Variants in DPP10 observed in about 807,000 individuals in gnomAD.
DPP10 encodes the protein dipeptidyl peptidase like 10, also known as inactive dipeptidyl peptidase 10.
A neutral mutation model predicts 120.9 loss-of-function variants in DPP10; 33 were observed. That is an observed-to-expected ratio of 0.27 (90% confidence interval 0.21 to 0.37). The LOEUF (loss-of-function observed/expected upper bound fraction) is 0.37. Among genes scored for constraint, DPP10 ranks in the 10% least tolerant of loss-of-function variants. DPP10 has a pLI of 1.00. For synonymous variants in DPP10, 337 were observed against 326.1 expected, an observed-to-expected ratio of 1.03 and a Z score of -0.36; for missense variants, 816 against 942.8, an observed-to-expected ratio of 0.87 and a Z score of 1.76.
intron 1 of DPP10, among the ~76,000 whole-genome samples, chr2:114,985,133 A>G (rs1455781672): frequency 1.3e-5 from 2 of 151,920 alleles, no homozygotes; most frequent in Non-Finnish European, 2.9e-5. Flanking sequence ...CTCTTCTCCC[A>G]CCTCCTCCCA....
chr2:115,749,773 C>T (rs895492), intron 10 of DPP10, among the ~76,000 whole-genome samples: 147,027 of 152,288 alleles, frequency 0.97, 71,211 homozygotes, highest in East Asian at 1. Flanking sequence ...GTAACTACAC[C>T]GCACAAATAT....
chr2:114,774,712 G>T (rs1261837512), intron 1 of DPP10, among the ~76,000 whole-genome samples: 1 of 150,676 alleles, frequency 6.6e-6, no homozygotes, highest in Non-Finnish European at 1.5e-5. Flanking sequence ...GAGCATTAAT[G>T]GATTGGTAAT....
intron 1 of DPP10, among the ~76,000 whole-genome samples, chr2:114,655,946 A>G (rs1402253081): frequency 2.6e-5 from 4 of 152,160 alleles, no homozygotes; most frequent in African/African-American, 7.2e-5. Context: ...TCAGAAACAC[A>G]TGACTTCCAA....
intron 5 of DPP10, among the ~76,000 whole-genome samples, chr2:115,631,817 T>G (rs1251919178): frequency 6.6e-6 from 1 of 152,166 alleles, no homozygotes; most frequent in Non-Finnish European, 1.5e-5. Context: ...TGCTGAGGAT[T>G]ATTTTACTTC....
intron 5 of DPP10, among the ~76,000 whole-genome samples, chr2:115,598,231 G>C (rs1285752023): frequency 1.3e-5 from 2 of 151,186 alleles, no homozygotes; most frequent in African/African-American, 4.9e-5. Context: ...TTTAACTTGA[G>C]TGCTTAGCCC....
intron 5 of DPP10, among the ~76,000 whole-genome samples, chr2:115,603,876 A>G (rs764131734): frequency 9.9e-5 from 15 of 152,134 alleles, no homozygotes; most frequent in African/African-American, 3.6e-4. Flanking sequence ...TACAGACTCT[A>G]TGCTTGCTGC....
chr2:115,785,361 G>A (rs1177345087), intron 17 of DPP10, among the ~76,000 whole-genome samples: 1 of 152,116 alleles, frequency 6.6e-6, no homozygotes, highest in Non-Finnish European at 1.5e-5. Context: ...GAATGAGTTG[G>A]GTAGGAATCC....
At chr2:115,791,030 C>G (rs745401279) in intron 17 of DPP10, 51 bp from the exon 18 acceptor site, 18 of 1,333,626 alleles carry the variant, frequency 1.3e-5, no homozygotes, top group Non-Finnish European at 1.8e-5. Context: ...CACACTGATT[C>G]TGTTTAATGC....
chr2:115,168,029 AG>A (rs2053035299), intron 1 of DPP10, among the ~76,000 whole-genome samples: 1 of 150,520 alleles, frequency 6.6e-6, no homozygotes, highest in Admixed American at 6.6e-5. Context: ...GAAATATGTC[AG>A]GGGGTGAGAT....
chr2:115,751,092 T>C (rs1021369390), intron 10 of DPP10, among the ~76,000 whole-genome samples: 1 of 152,268 alleles, frequency 6.6e-6, no homozygotes, highest in South Asian at 2.1e-4. Context: ...TTGCAGTCTT[T>C]GGTTAGTTGT....
intron 1 of DPP10, among the ~76,000 whole-genome samples, chr2:114,472,441 C>T (rs1056831076): frequency 1.3e-5 from 2 of 152,192 alleles, no homozygotes; most frequent in Non-Finnish European, 2.9e-5. Flanking sequence ...GGCCTATTGG[C>T]CTATCACCAG....
intron 4 of DPP10, among the ~76,000 whole-genome samples, chr2:115,514,797 A>T (rs893648687): frequency 5.3e-5 from 8 of 152,036 alleles, no homozygotes; most frequent in African/African-American, 1.7e-4. Context: ...ACTGTTGCAG[A>T]TGTATATATC....
intron 8 of DPP10, 33 bp downstream of exon 8, chr2:115,727,969 A>G: frequency 6.3e-7 from 1 of 1,584,700 alleles, no homozygotes; most frequent in Non-Finnish European, 8.5e-7. Flanking sequence ...CAAAGGAAAC[A>G]AATGACATAT....
intron 3 of DPP10, among the ~76,000 whole-genome samples, chr2:115,429,336 G>A (rs1312534414): frequency 6.6e-6 from 1 of 152,026 alleles, no homozygotes; most frequent in Non-Finnish European, 1.5e-5. Flanking sequence ...GTGTGAGAAA[G>A]GAGGCTCACA....
At chr2:114,936,419 AT>A (rs1696479340) in intron 1 of DPP10, among the ~76,000 whole-genome samples, 1 of 151,802 alleles carries the variant, frequency 6.6e-6, no homozygotes, top group African/African-American at 2.4e-5. Flanking sequence ...ATACATATAT[AT>A]GTGCGTATAT....
chr2:115,485,153 A>G (rs1332248554), intron 3 of DPP10, among the ~76,000 whole-genome samples: 1 of 151,392 alleles, frequency 6.6e-6, no homozygotes, highest in Non-Finnish European at 1.5e-5. Flanking sequence ...AAGAACAAAT[A>G]TGATTAAGTC....
At chr2:115,453,333 AATT>A (rs1034936014) in intron 3 of DPP10, among the ~76,000 whole-genome samples, 11 of 151,496 alleles carry the variant, frequency 7.3e-5, no homozygotes, top group African/African-American at 2.7e-4. Flanking sequence ...CCTTATTTTC[AATT>A]ATTCTATAAA....
At chr2:114,507,478 T>G (rs1683776848) in intron 1 of DPP10, among the ~76,000 whole-genome samples, 1 of 152,202 alleles carries the variant, frequency 6.6e-6, no homozygotes, top group African/African-American at 2.4e-5. Flanking sequence ...GGAGACACTA[T>G]TCAACTACCT....
intron 1 of DPP10, among the ~76,000 whole-genome samples, chr2:114,603,529 C>A (rs996119514): frequency 1.3e-5 from 2 of 152,052 alleles, no homozygotes; most frequent in African/African-American, 2.4e-5. Context: ...AGGGCATTTG[C>A]AAATGTTGGT....
Sources: allele counts gnomAD v4.1 joint callset (sites outside exome capture counted in the v4.1 genomes callset), GRCh38; gene constraint gnomAD v4.1.1; transcripts MANE v1.5; gene names NCBI Gene and HGNC (gene_info 2026-07-23, HGNC 2026-07-21).